MTHFD2L: variants seen among roughly 807,000 people sequenced by gnomAD.
MTHFD2L encodes bifunctional methylenetetrahydrofolate dehydrogenase/cyclohydrolase 2, mitochondrial.
In MTHFD2L, 29 loss-of-function variants were observed where a neutral mutation model predicts 34.9. The ratio of observed to expected loss-of-function variants is 0.83; its 90% CI spans 0.62 to 1.13. MTHFD2L has a LOEUF of 1.13. Among genes scored for constraint, MTHFD2L ranks in the 50% most tolerant of loss-of-function variants. The pLI is 0.00. For missense variants in MTHFD2L, 481 were observed against 446.5 expected (o/e 1.08, Z -0.70); for synonymous variants, 167 against 155.7 (o/e 1.07, Z -0.54).
chr4:74,298,845 G>T (rs1353241855), intron 7 of MTHFD2L, among the ~76,000 whole-genome samples: 1 of 151,978 alleles, frequency 6.6e-6, no homozygotes, highest in Non-Finnish European at 1.5e-5. Context: ...TGATAATACA[G>T]TTGCATTGGA....
chr4:74,142,069 A>G (rs191080840), intron 1 of MTHFD2L, among the ~76,000 whole-genome samples: 74 of 152,308 alleles, frequency 4.9e-4, no homozygotes, highest in African/African-American at 1.6e-3. Context: ...TAAAGAACCA[A>G]CGATTCTCCT....
At chr4:74,240,122 A>C (rs1741482967) in intron 6 of MTHFD2L, among the ~76,000 whole-genome samples, 1 of 152,194 alleles carries the variant, frequency 6.6e-6, no homozygotes, top group Non-Finnish European at 1.5e-5. Flanking sequence ...CCCCTCCTCT[A>C]CTTAATGATA....
At chr4:74,235,318 A>G (rs1740689016) in intron 6 of MTHFD2L, among the ~76,000 whole-genome samples, 1 of 152,206 alleles carries the variant, frequency 6.6e-6, no homozygotes, top group South Asian at 2.1e-4. Context: ...AAAAACAGGA[A>G]GTAGACTAGA....
intron 6 of MTHFD2L, among the ~76,000 whole-genome samples, chr4:74,231,891 A>T (rs1740120509): frequency 6.6e-6 from 1 of 152,210 alleles, no homozygotes; most frequent in Admixed American, 6.5e-5. Flanking sequence ...TGTAATACCA[A>T]ATAAAGAATA....
upstream of MTHFD2L, among the ~76,000 whole-genome samples, chr4:74,122,114 A>G (rs1003553444): frequency 2.0e-5 from 3 of 152,138 alleles, no homozygotes; most frequent in African/African-American, 7.2e-5. Context: ...ACATATTTTA[A>G]TGTCCTACTT....
chr4:74,290,620 G>C (rs1454200175), intron 7 of MTHFD2L, among the ~76,000 whole-genome samples: 1 of 152,022 alleles, frequency 6.6e-6, no homozygotes, highest in African/African-American at 2.4e-5. Flanking sequence ...GAATTGCCAA[G>C]CATAATGCCT....
chr4:74,207,195 C>T (rs868185628), intron 5 of MTHFD2L, among the ~76,000 whole-genome samples: 1 of 152,264 alleles, frequency 6.6e-6, no homozygotes, highest in Middle Eastern at 3.4e-3. Flanking sequence ...CCACTGCACC[C>T]AGCCTCATAT....
Position 74,175,420 on chromosome 4 carries a change from T to A in MTHFD2L, c.451+17T>A. ...CACTACCAGGTACATAATGCTCCTCTTATTTATCTGATTTTGTTAAAAGTG... is the reference window on the plus strand; with the variant it reads ...CACTACCAGGTACATAATGCTCCTCATATTTATCTGATTTTGTTAAAAGTG... On this transcript the variant is annotated intron_variant, in intron 3 of 7. Coordinates refer to ENST00000325278, the MANE Select transcript of MTHFD2L (RefSeq NM_001144978.3). 2 of 1,591,720 alleles carry A rather than the reference T, an allele frequency of 1.3e-6. No homozygotes were observed. The highest frequency in any genetic ancestry group is 1.7e-6 in the Non-Finnish European group (2 of 1,171,736).
chr4:74,254,248 C>A (rs1028339498), intron 6 of MTHFD2L, among the ~76,000 whole-genome samples: 2 of 152,142 alleles, frequency 1.3e-5, no homozygotes, highest in African/African-American at 2.4e-5. Flanking sequence ...ATTTTCAAAT[C>A]TGCAGAGGGA....
At chr4:74,286,895 T>C (rs933338803) in intron 7 of MTHFD2L, among the ~76,000 whole-genome samples, 3 of 152,114 alleles carry the variant, frequency 2.0e-5, no homozygotes, top group African/African-American at 7.2e-5. Flanking sequence ...CAGGAAAGAA[T>C]TGGTGTTGTA....
At chr4:74,179,726 A>G (rs961436874) in intron 3 of MTHFD2L, among the ~76,000 whole-genome samples, 1 of 152,136 alleles carries the variant, frequency 6.6e-6, no homozygotes, top group Admixed American at 6.6e-5. Flanking sequence ...AAAACAATGC[A>G]TATGTACCTT....
intron 7 of MTHFD2L, among the ~76,000 whole-genome samples, chr4:74,292,482 C>A (rs1749080024): frequency 6.6e-6 from 1 of 151,878 alleles, no homozygotes; most frequent in African/African-American, 2.4e-5. Context: ...TAAGGCCCTG[C>A]CAAGAGATTT....
chr4:74,239,682 T>C (rs534751371), intron 6 of MTHFD2L, among the ~76,000 whole-genome samples: 20 of 152,340 alleles, frequency 1.3e-4, no homozygotes, highest in Admixed American at 2.6e-4. Context: ...CTCATAGTTT[T>C]TCTCTGAGTG....
intron 6 of MTHFD2L, chr4:74,267,112 T>A: frequency 1.0e-6 from 1 of 985,310 alleles, no homozygotes; most frequent in Non-Finnish European, 1.2e-6. Context: ...TTCCTTTAAA[T>A]AAATGTTTCT....
At chr4:74,277,340 C>T (rs1178692874) in intron 6 of MTHFD2L, among the ~76,000 whole-genome samples, 2 of 151,956 alleles carry the variant, frequency 1.3e-5, no homozygotes, top group Non-Finnish European at 2.9e-5. Flanking sequence ...TGAGCTGAAG[C>T]ACTGAGGAAC....
In MTHFD2L at chr4:74,133,278, T is replaced by C. The variant is rs960528276; in HGVS notation, c.-297+7761T>C. Among the ~76,000 whole-genome samples, 8 of 152,154 alleles carry C rather than the reference T, an allele frequency of 5.3e-5. No homozygotes were observed. In the East Asian group the frequency reaches 1.5e-3, roughly 29 times the overall value. Reference sequence around the variant, plus strand: ...GATATTTGAAAGTTCAATTATTATATGCCTTGGTTAGTGTTACTTGGGTTG... The same window carrying C: ...GATATTTGAAAGTTCAATTATTATACGCCTTGGTTAGTGTTACTTGGGTTG... On this transcript the variant is annotated intron_variant, in intron 1 of 7. Transcript: ENST00000433372.
intron 3 of MTHFD2L, among the ~76,000 whole-genome samples, chr4:74,197,144 A>G (rs774492630): frequency 1.2e-4 from 19 of 152,288 alleles, no homozygotes; most frequent in Admixed American, 5.9e-4. Context: ...GAATAAAACC[A>G]GTTTTATCAT....
At chr4:74,151,689 C>T (rs1723949505) in intron 1 of MTHFD2L, among the ~76,000 whole-genome samples, 1 of 152,084 alleles carries the variant, frequency 6.6e-6, no homozygotes, top group Non-Finnish European at 1.5e-5. Flanking sequence ...AAATCTTCCC[C>T]CATTTGACTA....
chr4:74,183,459 C>A (rs993071631), intron 3 of MTHFD2L: 3 of 152,222 alleles, frequency 2.0e-5, no homozygotes, highest in Non-Finnish European at 4.4e-5. Flanking sequence ...CAAGACCAGC[C>A]TGGCCAACAT....
Sources: gnomAD v4.1 joint callset for allele counts (sites outside exome capture counted in the v4.1 genomes callset) on GRCh38, gnomAD v4.1.1 for gene constraint, MANE v1.5 for transcripts, NCBI Gene and HGNC (gene_info 2026-07-23, HGNC 2026-07-21) for gene names.